FAAH2: variants seen among roughly 807,000 people sequenced by gnomAD.
The protein encoded by FAAH2 is fatty-acid amide hydrolase 2.
A neutral mutation model predicts 36.9 loss-of-function variants in FAAH2; 60 were observed. The ratio of observed to expected loss-of-function variants is 1.63; its 90% CI spans 1.32 to 2.02. The LOEUF (loss-of-function observed/expected upper bound fraction) is 2.02, where lower values mean the gene tolerates loss of function less well. Ranked by LOEUF, FAAH2 falls within the 30% of genes most tolerant of loss-of-function variation. The pLI, the probability that FAAH2 is intolerant of heterozygous loss-of-function variation, is 0.00. For synonymous variants in FAAH2, 214 were observed against 143.8 expected, an observed-to-expected ratio of 1.49 and a Z score of -3.49; for missense variants, 689 against 397.5, an observed-to-expected ratio of 1.73 and a Z score of -6.23.
chrX:57,228,348 G>A, the FAAH2 span, among the ~76,000 whole-genome samples: 24 of 111,232 alleles, frequency 2.2e-4, no homozygotes, highest in Non-Finnish European at 4.3e-4. Flanking sequence ...GTGTTTCGCT[G>A]GGTTTGGCTC....
the FAAH2 span, among the ~76,000 whole-genome samples, chrX:57,263,050 G>C: frequency 9.0e-6 from 1 of 110,819 alleles, no homozygotes; most frequent in East Asian, 2.8e-4. Flanking sequence ...TTAGGAAACA[G>C]GCAAAAATTT....
chrX:57,328,398 C>T (rs907233038), intron 3 of FAAH2, among the ~76,000 whole-genome samples: 1 of 111,838 alleles, frequency 8.9e-6, no homozygotes. Context: ...TGTTTTTCTG[C>T]TCTATCAGGT....
chrX:57,143,334 A>G, the FAAH2 span, among the ~76,000 whole-genome samples: 1 of 111,129 alleles, frequency 9.0e-6, no homozygotes, highest in Non-Finnish European at 1.9e-5. Context: ...AATTGCTTTA[A>G]ACTAAAGACA....
the FAAH2 span, among the ~76,000 whole-genome samples, chrX:57,154,093 G>A: frequency 1.8e-5 from 2 of 111,302 alleles, no homozygotes; most frequent in Non-Finnish European, 3.8e-5. Context: ...TTGAATTAAA[G>A]CAAAACCTTG....
At chrX:57,374,441 ATATTCCTAAGTATTT>A (rs1485398600) in intron 5 of FAAH2, among the ~76,000 whole-genome samples, 1 of 111,406 alleles carries the variant, frequency 9.0e-6, no homozygotes, top group Non-Finnish European at 1.9e-5. Flanking sequence ...CGGGTTAGGT[ATATTCCTAAGTATTT>A]TATTTATTTT....
At chrX:57,444,549 G>T (rs776433858) in intron 8 of FAAH2, among the ~76,000 whole-genome samples, 1 of 111,573 alleles carries the variant, frequency 9.0e-6, no homozygotes, top group African/African-American at 3.3e-5. Context: ...CCGACCCCTT[G>T]TGCTTCCCAG....
intron 2 of FAAH2, among the ~76,000 whole-genome samples, chrX:57,295,164 T>C (rs1259332246): frequency 2.7e-5 from 3 of 111,607 alleles, no homozygotes; most frequent in Admixed American, 1.9e-4. Context: ...TTCAGAGCTG[T>C]GGTTCAGAAT....
the FAAH2 span, among the ~76,000 whole-genome samples, chrX:57,231,693 G>A: frequency 1.1e-4 from 12 of 111,951 alleles, no homozygotes; most frequent in African/African-American, 3.9e-4. Context: ...AGATAACACA[G>A]CTAATAAGAA....
At chrX:57,250,194 A>G in the FAAH2 span, among the ~76,000 whole-genome samples, 1 of 112,280 alleles carries the variant, frequency 8.9e-6, no homozygotes, top group Admixed American at 9.5e-5. Flanking sequence ...CCTTACAGAG[A>G]TATATATTCT....
intron 7 of FAAH2, among the ~76,000 whole-genome samples, chrX:57,397,113 T>C (rs1236229691): frequency 8.9e-6 from 1 of 112,157 alleles, no homozygotes; most frequent in Non-Finnish European, 1.9e-5. Flanking sequence ...CAGTTTTCTG[T>C]TCCATTTGCG....
chrX:57,326,357 G>T (rs1448209209), intron 3 of FAAH2, among the ~76,000 whole-genome samples: 1 of 114,194 alleles, frequency 8.8e-6, no homozygotes, highest in Non-Finnish European at 1.9e-5. Context: ...TATTAGGTCC[G>T]CTTGGTGCAG....
At chrX:57,251,694 CA>C in the FAAH2 span, among the ~76,000 whole-genome samples, 16 of 111,678 alleles carry the variant, frequency 1.4e-4, no homozygotes, top group Non-Finnish European at 3.0e-4. Flanking sequence ...AGAAACTATT[CA>C]AAAAAGAAAT....
At chrX:57,177,486 A>G in the FAAH2 span, among the ~76,000 whole-genome samples, 1 of 101,675 alleles carries the variant, frequency 9.8e-6, no homozygotes, top group Admixed American at 1.1e-4. Context: ...ATAATAAATA[A>G]TTTTAAGATT....
intron 5 of FAAH2, among the ~76,000 whole-genome samples, chrX:57,345,487 C>T (rs1300253432): frequency 9.0e-6 from 1 of 110,665 alleles, no homozygotes; most frequent in African/African-American, 3.3e-5. Flanking sequence ...GTAACTTCAC[C>T]TTTGTCATTT....
At chrX:57,158,528 A>G in the FAAH2 span, among the ~76,000 whole-genome samples, 1 of 111,677 alleles carries the variant, frequency 9.0e-6, no homozygotes. Context: ...TGACTTTTTA[A>G]TGATCACCAT....
chrX:57,158,470 T>C, the FAAH2 span, among the ~76,000 whole-genome samples: 3 of 112,061 alleles, frequency 2.7e-5, no homozygotes, highest in Admixed American at 9.4e-5. Flanking sequence ...ACCAACAGTG[T>C]AAAAGTGTTC....
At chrX:57,144,138 C>A in the FAAH2 span, among the ~76,000 whole-genome samples, 1 of 111,894 alleles carries the variant, frequency 8.9e-6, no homozygotes. Flanking sequence ...TCATCCTGTT[C>A]TTTACTGGCT....
intron 10 of FAAH2, among the ~76,000 whole-genome samples, chrX:57,453,487 G>A (rs1334611525): frequency 9.0e-6 from 1 of 110,906 alleles, no homozygotes; most frequent in Non-Finnish European, 1.9e-5. Flanking sequence ...AAAACTGCAG[G>A]ATAGGTGATT....
intron 5 of FAAH2, among the ~76,000 whole-genome samples, chrX:57,366,855 C>T (rs2054430364): frequency 8.9e-6 from 1 of 111,994 alleles, no homozygotes; most frequent in Admixed American, 9.4e-5. Context: ...GCAACACAGC[C>T]ATGTTCTTTT....
Sources: gnomAD v4.1 joint callset for allele counts (sites outside exome capture counted in the v4.1 genomes callset) on GRCh38, gnomAD v4.1.1 for gene constraint, MANE v1.5 for transcripts, NCBI Gene and HGNC (gene_info 2026-07-23, HGNC 2026-07-21) for gene names.